PTPN13: variants seen among roughly 807,000 people sequenced by gnomAD.
PTPN13 encodes the protein tyrosine-protein phosphatase non-receptor type 13.
PTPN13 carries 191 observed loss-of-function variants against 284.0 expected under a neutral mutation model. That is an observed-to-expected ratio of 0.67 (90% CI 0.60 to 0.76). The LOEUF (loss-of-function observed/expected upper bound fraction) is 0.76. Among genes scored for constraint, PTPN13 ranks in the 30% least tolerant of loss-of-function variants. PTPN13 has a pLI of 0.00. For missense variants in PTPN13, 2,797 were observed against 2,939.9 expected (o/e 0.95, Z 1.12); for synonymous variants, 986 against 1,022.3 (o/e 0.96, Z 0.68).
At chr4:86,611,227 C>T (rs915879908) in intron 1 of PTPN13, among the ~76,000 whole-genome samples, 5 of 152,200 alleles carry the variant, frequency 3.3e-5, no homozygotes, top group African/African-American at 1.2e-4. Context: ...TATTTACCTG[C>T]ACAAACTTCC....
At chr4:86,704,548 T>C (rs2079045953) in intron 7 of PTPN13, among the ~76,000 whole-genome samples, 2 of 152,240 alleles carry the variant, frequency 1.3e-5, no homozygotes, top group South Asian at 4.1e-4. Flanking sequence ...CATATGCTTT[T>C]ATATCTGCAA....
chr4:86,595,534 G>C (rs1763591843), intron 1 of PTPN13, among the ~76,000 whole-genome samples: 1 of 152,094 alleles, frequency 6.6e-6, no homozygotes, highest in African/African-American at 2.4e-5. Context: ...ATATCACTAA[G>C]AGATTTACAG....
chr4:86,785,903 C>G lies in PTPN13; in HGVS notation c.6312C>G (p.Cys2104Trp). The change falls in exon 40 of 48, where the codon TGC becomes TGG. Residue 2104 changes from cysteine (C) to tryptophan (W), a missense_variant. Transcript: ENST00000411767. Reference protein sequence around the residue: ...LSEERTEDTDCDGSPLPEYFT... With the variant: ...LSEERTEDTDWDGSPLPEYFT... The stretch of plus-strand genomic sequence containing the variant: ...AAGAGAGAACAGAAGATACAGACTG[C>G]GATGGTTCACCTTTACCTGAGTATT... 1 of 1,562,788 alleles carries G rather than the reference C, an allele frequency of 6.4e-7. No homozygotes were observed. Among genetic ancestry groups the G allele is most frequent in the Non-Finnish European group, 8.7e-7 (1 of 1,151,548 alleles).
At chr4:86,692,579 T>C (rs181473933) in intron 5 of PTPN13, among the ~76,000 whole-genome samples, 1 of 152,314 alleles carries the variant, frequency 6.6e-6, no homozygotes, top group East Asian at 1.9e-4. Context: ...TTGACATTTC[T>C]CCTCTATTTG....
At chr4:86,790,459 A>T (rs1310396717) in intron 40 of PTPN13, among the ~76,000 whole-genome samples, 1 of 152,246 alleles carries the variant, frequency 6.6e-6, no homozygotes, top group East Asian at 1.9e-4. Context: ...AGGAAAGGAG[A>T]AAAAATCAAA....
At chr4:86,615,110 C>A (rs78653580) in intron 1 of PTPN13, among the ~76,000 whole-genome samples, 1 of 152,034 alleles carries the variant, frequency 6.6e-6, no homozygotes, top group African/African-American at 2.4e-5. Context: ...AAATCTCTCA[C>A]GGTCTATTGA....
intron 2 of PTPN13, among the ~76,000 whole-genome samples, chr4:86,649,839 C>G (rs1017930129): frequency 6.6e-6 from 1 of 152,184 alleles, no homozygotes; most frequent in Non-Finnish European, 1.5e-5. Flanking sequence ...AAACCTGCAT[C>G]ATATCTAAAT....
At chr4:86,765,315 A>C (rs2149256517) in intron 25 of PTPN13, 80 bp from the exon 26 acceptor site, 1 of 1,047,360 alleles carries the variant, frequency 9.5e-7, no homozygotes, top group African/African-American at 1.6e-5. Context: ...TGGCTAATGA[A>C]TCCTTTCTAG....
In PTPN13 at chr4:86,734,830, G is replaced by A. The variant is rs776979556; in HGVS notation, c.2106G>A (p.Leu702=). The A allele has an allele frequency of 8.1e-6, 13 of 1,613,162 alleles. No individual in the cohort carries two copies. The highest frequency in any genetic ancestry group is 1.0e-5 in the Non-Finnish European group (12 of 1,179,468). The change falls in exon 14 of 48, where the codon CTG becomes CTA. Residue 702 remains leucine (L), a synonymous_variant. Transcript: ENST00000411767. ...GTGATGATGAGACTTCCTTATTGCT[G>A]GCATCCTTGGCTCTCCAGGCTGAGT... The part of the protein sequence containing the change: ...MHCDDETSLL[L]ASLALQAEYG...
In PTPN13 at chr4:86,751,076, G is replaced by T; in HGVS notation, c.3118G>T (p.Glu1040Ter). Residue 1040 changes from glutamate to a stop codon, truncating the protein, a stop_gained, in exon 19 of 48, where the codon GAA becomes TAA. Coordinates refer to ENST00000411767, the MANE Select transcript of PTPN13 (RefSeq NM_080683.3). LOFTEE classifies it high-confidence loss of function. Reference sequence around the variant, plus strand: ...TAGAAGTCCTGAAAGGAGGAAACATGAATCAGACTCCTCATCCATTGAAGA... The same window carrying T: ...TAGAAGTCCTGAAAGGAGGAAACATTAATCAGACTCCTCATCCATTGAAGA... ...LNRSPERRKH[E>*]SDSSSIEDPG... is the part of the protein sequence containing the mutation. 2 of 1,610,310 alleles carry T rather than the reference G, an allele frequency of 1.2e-6. No individual in the cohort carries two copies. Among genetic ancestry groups the T allele is most frequent in the South Asian group, 1.1e-5 (1 of 90,802 alleles).
intron 35 of PTPN13, among the ~76,000 whole-genome samples, chr4:86,778,303 C>T (rs554233235): frequency 1.3e-5 from 2 of 152,298 alleles, no homozygotes; most frequent in South Asian, 4.1e-4. Context: ...GCTAGCCTGT[C>T]TTTGTTACAT....
intron 2 of PTPN13, among the ~76,000 whole-genome samples, chr4:86,669,621 GTTCTGATTGGTGCTACC>G (rs1727509923): frequency 6.6e-6 from 1 of 152,086 alleles, no homozygotes; most frequent in South Asian, 2.1e-4. Context: ...ACCTTCAGCA[GTTCTGATTGGTGCTACC>G]ATGCTGAGGA....
At chr4:86,647,332 CTG>C (rs1216354061) in intron 2 of PTPN13, among the ~76,000 whole-genome samples, 1 of 151,928 alleles carries the variant, frequency 6.6e-6, no homozygotes, top group Non-Finnish European at 1.5e-5. Context: ...TAATTTTAAG[CTG>C]TGTTTTTAAA....
In PTPN13 at chr4:86,644,131, A is replaced by AT. The variant is rs869139484; in HGVS notation, c.115+8773dup. On this transcript the variant is annotated intron_variant, in intron 2 of 47. Transcript: ENST00000411767. The stretch of plus-strand genomic sequence containing the variant: ...TGTCCTATATCTATTAAGATGATTG[A>AT]TTTTTTTTTTTTTCTTTTCGGAGAC... Among the ~76,000 whole-genome samples, 951 of 145,982 alleles carry AT rather than the reference A, an allele frequency of 6.5e-3. 6 individuals carry two copies. The highest frequency in any genetic ancestry group is 0.02 in the African/African-American group (797 of 40,100).
chr4:86,722,349 C>A lies in PTPN13; in HGVS notation c.1523C>A (p.Thr508Lys). ...CGGTTGAGCCTATATCCAGGAGACA[C>A]AATCAAAGCGTCCATGCTTGACATC... ...QSRLSLYPGDTIKASMLDITR... is the reference protein window; with the variant it reads ...QSRLSLYPGDKIKASMLDITR... Residue 508 changes from threonine (T) to lysine (K), a missense_variant, in exon 10 of 48, where the codon ACA (threonine) becomes AAA (lysine). Physicochemically the swap from Thr to Lys is moderately conservative, Grantham distance 78 (BLOSUM62 -1). Coordinates refer to ENST00000411767, the MANE Select transcript of PTPN13 (RefSeq NM_080683.3). The A allele has an allele frequency of 6.2e-7, 1 of 1,613,782 alleles. No individual in the cohort carries two copies. The highest frequency in any genetic ancestry group is 1.7e-5 in the Admixed American group (1 of 60,008).
rs1436799918 is a variant in PTPN13 at position 86,722,229 on chromosome 4, C to G, written c.1403C>G (p.Pro468Arg). 1 of 1,613,142 alleles carries G rather than the reference C, an allele frequency of 6.2e-7. No individual in the cohort carries two copies. The highest frequency in any genetic ancestry group is 8.5e-7 in the Non-Finnish European group (1 of 1,179,284). ...CTATATAGCAGACAATATGAAACAC[C>G]CTTTGAAGGCAACTTAATTAATCAA... ...SQRPSRQYET[P>R]FEGNLINQEI... Residue 468 changes from proline to arginine, a missense_variant, in exon 10 of 48, where the codon CCC (proline) becomes CGC (arginine). Coordinates refer to ENST00000411767, the MANE Select transcript of PTPN13 (RefSeq NM_080683.3).
intron 1 of PTPN13, among the ~76,000 whole-genome samples, chr4:86,600,204 T>C (rs1382755587): frequency 1.3e-5 from 2 of 152,098 alleles, no homozygotes; most frequent in African/African-American, 4.8e-5. Context: ...AAGCTAAGAC[T>C]GTGTCATCAA....
chr4:86,780,687 T>A (rs1741204066), intron 36 of PTPN13, among the ~76,000 whole-genome samples: 1 of 152,210 alleles, frequency 6.6e-6, no homozygotes, highest in Non-Finnish European at 1.5e-5. Context: ...TTACTTGTAG[T>A]AGCCAAAATT....
intron 3 of PTPN13, among the ~76,000 whole-genome samples, chr4:86,673,882 T>G (rs976387666): frequency 6.6e-6 from 1 of 152,112 alleles, no homozygotes; most frequent in Non-Finnish European, 1.5e-5. Flanking sequence ...AATTTTTGTA[T>G]TTTTAGTAGA....
Sources: gnomAD v4.1 joint callset for allele counts (sites outside exome capture counted in the v4.1 genomes callset) on GRCh38, gnomAD v4.1.1 for gene constraint, MANE v1.5 for transcripts, NCBI Gene and HGNC (gene_info 2026-07-23, HGNC 2026-07-21) for gene names.